Variants in FZD3 observed in about 807,000 individuals in gnomAD.
The protein encoded by FZD3 is frizzled class receptor 3.
Under a neutral mutation model 60.7 loss-of-function variants are expected in FZD3, and 30 were observed. That is an observed-to-expected ratio of 0.49 (90% confidence interval 0.37 to 0.67). The LOEUF (loss-of-function observed/expected upper bound fraction) is 0.67, where lower values mean the gene tolerates loss of function less well. Among genes scored for constraint, FZD3 ranks in the 30% least tolerant of loss-of-function variants. The pLI is 0.00. For missense variants in FZD3, 605 were observed against 838.7 expected (o/e 0.72, Z 3.44); for synonymous variants, 246 against 275.2 (o/e 0.89, Z 1.05).
chr8:28,520,116 A>G (rs571056163), intron 3 of FZD3, among the ~76,000 whole-genome samples: 1 of 151,470 alleles, frequency 6.6e-6, no homozygotes, highest in South Asian at 2.1e-4. Flanking sequence ...AGGCTGAGGC[A>G]GGAGAATTGC....
intron 5 of FZD3, among the ~76,000 whole-genome samples, chr8:28,542,545 G>A (rs1351694666): frequency 6.6e-6 from 1 of 152,152 alleles, no homozygotes; most frequent in African/African-American, 2.4e-5. Context: ...GGCTGATGTA[G>A]GAGAATCGCT....
intron 3 of FZD3, among the ~76,000 whole-genome samples, chr8:28,509,806 G>T (rs1261119301): frequency 6.6e-6 from 1 of 152,078 alleles, no homozygotes; most frequent in Non-Finnish European, 1.5e-5. Context: ...TTCCATTGTA[G>T]GTATATAACA....
At chr8:28,518,809 C>G (rs1804499607) in intron 3 of FZD3, among the ~76,000 whole-genome samples, 1 of 152,202 alleles carries the variant, frequency 6.6e-6, no homozygotes, top group Non-Finnish European at 1.5e-5. Context: ...TTGTCTTACG[C>G]CCAGTTCAAC....
Position 28,528,110 on chromosome 8 carries a change from A to C in FZD3, c.1350A>C (p.Glu450Asp). 6.2e-7 allele frequency: 1 copy of C among 1,613,934 alleles called. No homozygotes were observed. Among genetic ancestry groups the C allele is most frequent in the Non-Finnish European group, 8.5e-7 (1 of 1,179,848 alleles). The change falls in exon 5 of 8, where the codon GAA (glutamate) becomes GAC (aspartate). Residue 450 changes from glutamate (E) to aspartate (D), a missense_variant. Coordinates refer to ENST00000240093, the MANE Select transcript of FZD3 (RefSeq NM_017412.4). ...AGCAAGCTTACCGGGGCATCTGGGA[A>C]ACAACGTGGATACAAGAACGCTGCA... ...FYEQAYRGIW[E>D]TTWIQERCRE...
intron 5 of FZD3, among the ~76,000 whole-genome samples, chr8:28,538,389 C>A (rs1022129922): frequency 6.6e-6 from 1 of 151,990 alleles, no homozygotes; most frequent in Non-Finnish European, 1.5e-5. Flanking sequence ...GTCCTATGCT[C>A]AACAATTTAC....
intron 5 of FZD3, among the ~76,000 whole-genome samples, chr8:28,550,970 C>CT (rs1205751894): frequency 1.3e-5 from 2 of 152,100 alleles, no homozygotes; most frequent in Non-Finnish European, 2.9e-5. Context: ...TCACATTACT[C>CT]TTTTAAGAAG....
intron 5 of FZD3, among the ~76,000 whole-genome samples, chr8:28,531,923 A>G (rs564326123): frequency 6.6e-6 from 1 of 152,218 alleles, no homozygotes; most frequent in South Asian, 2.1e-4. Flanking sequence ...CTTCCCTGCC[A>G]TTAAAGTCAT....
intron 5 of FZD3, among the ~76,000 whole-genome samples, chr8:28,535,417 A>G (rs971334312): frequency 6.6e-6 from 1 of 152,200 alleles, no homozygotes; most frequent in East Asian, 1.9e-4. Flanking sequence ...ACTAAAGTTC[A>G]TACTTTATTC....
chr8:28,520,398 C>T (rs995705860), intron 3 of FZD3, among the ~76,000 whole-genome samples: 2 of 152,030 alleles, frequency 1.3e-5, no homozygotes, highest in African/African-American at 4.8e-5. Flanking sequence ...TCATCAATAT[C>T]ACCTGTAATA....
chr8:28,538,105 G>A (rs1364216487), intron 5 of FZD3, among the ~76,000 whole-genome samples: 2 of 150,658 alleles, frequency 1.3e-5, no homozygotes, highest in African/African-American at 4.9e-5. Context: ...CGACAAGAGT[G>A]AAACTCTTGT....
At chr8:28,529,870 G>A (rs1804817677) in intron 5 of FZD3, among the ~76,000 whole-genome samples, 1 of 152,132 alleles carries the variant, frequency 6.6e-6, no homozygotes, top group Admixed American at 6.5e-5. Flanking sequence ...GAGAGATGTT[G>A]AGTTATATTT....
At chr8:28,518,689 T>C (rs1804496725) in intron 3 of FZD3, among the ~76,000 whole-genome samples, 1 of 152,326 alleles carries the variant, frequency 6.6e-6, no homozygotes, top group South Asian at 2.1e-4. Context: ...ATTTAGATCT[T>C]GTTTCTTTCA....
rs1805672991 is a variant in FZD3, at chr8:28,564,560, C to T, written c.*1549C>T. The T allele has an allele frequency of 6.6e-6, 1 of 151,726 alleles. No homozygotes were observed. Among genetic ancestry groups the T allele is most frequent in the Non-Finnish European group, 1.5e-5 (1 of 67,978 alleles). 9.4% of individuals were successfully genotyped at this position (151,726 alleles called of 1,614,324 possible). On this transcript the variant is annotated 3_prime_UTR_variant, in exon 8 of 8. Coordinates refer to ENST00000240093, the MANE Select transcript of FZD3 (RefSeq NM_017412.4). ...TCGGCATCATATATCACATGAACAT[C>T]CACATGGATTCTGTCTTTCGCTTTT...
Position 28,500,450 on chromosome 8 carries a change from T to G in FZD3, c.-345+472T>G, listed in dbSNP as rs554599487. On this transcript the variant is annotated intron_variant, in intron 2 of 7. Transcript: ENST00000240093. ...TTCTTCAGGTTTTATGTGGTAGTCT[T>G]CTTTGAACCATTGATTTGAAACCCA... Among the ~76,000 whole-genome samples, 56 of 152,324 alleles carry G rather than the reference T, an allele frequency of 3.7e-4. No homozygotes were observed. The East Asian group carries it at 4.6e-3, about 13-fold the overall frequency.
intron 5 of FZD3, among the ~76,000 whole-genome samples, chr8:28,543,211 T>A (rs1252453759): frequency 6.6e-6 from 1 of 152,242 alleles, no homozygotes; most frequent in Non-Finnish European, 1.5e-5. Flanking sequence ...ATTTTTATGT[T>A]CTTTGCCTTC....
chr8:28,499,660 C>G (rs1398262749), intron 1 of FZD3, among the ~76,000 whole-genome samples: 1 of 151,970 alleles, frequency 6.6e-6, no homozygotes, highest in Non-Finnish European at 1.5e-5. Flanking sequence ...GTTCTTTACC[C>G]TGTACTCCCA....
At chr8:28,545,857 A>G (rs1805281391) in intron 5 of FZD3, among the ~76,000 whole-genome samples, 1 of 152,234 alleles carries the variant, frequency 6.6e-6, no homozygotes, top group Non-Finnish European at 1.5e-5. Context: ...TATTACAGCC[A>G]TGCACCACAT....
chr8:28,537,927 A>G (rs917455189), intron 5 of FZD3, among the ~76,000 whole-genome samples: 1 of 151,820 alleles, frequency 6.6e-6, no homozygotes, highest in African/African-American at 2.4e-5. Flanking sequence ...GACTAGCCTG[A>G]CCAATATGGT....
chr8:28,556,774 C>A (rs1478131571), intron 7 of FZD3, among the ~76,000 whole-genome samples: 1 of 151,242 alleles, frequency 6.6e-6, no homozygotes, highest in African/African-American at 2.4e-5. Context: ...ATTTGGCCAG[C>A]AGGCCTTAGT....
Sources: allele counts gnomAD v4.1 joint callset (sites outside exome capture counted in the v4.1 genomes callset), GRCh38; gene constraint gnomAD v4.1.1; transcripts MANE v1.5; gene names NCBI Gene and HGNC (gene_info 2026-07-23, HGNC 2026-07-21).